PUDP: variants seen among roughly 807,000 people sequenced by gnomAD.
PUDP encodes the protein pseudouridine 5'-phosphatase, also known as pseudouridine-5'-phosphatase.
In PUDP, 8 loss-of-function variants were observed where a neutral mutation model predicts 9.4. That is an observed-to-expected ratio of 0.85 (90% CI 0.50 to 1.53). The LOEUF is 1.53. Among genes scored for constraint, PUDP ranks in the 40% most tolerant of loss-of-function variants. The pLI is 0.00. For synonymous variants in PUDP, 99 were observed against 80.7 expected (o/e 1.23, Z -1.22); for missense variants, 188 against 189.7 (o/e 0.99, Z 0.05).
intron 2 of PUDP, among the ~76,000 whole-genome samples, chrX:7,087,290 G>A (rs942566179): frequency 1.5e-4 from 17 of 111,336 alleles, no homozygotes; most frequent in African/African-American, 9.8e-5. Context: ...CAGAGATTGG[G>A]GAGTTGAAGG....
At chrX:7,008,481 G>A (rs917258732) in intron 1 of PUDP, among the ~76,000 whole-genome samples, 1 of 110,606 alleles carries the variant, frequency 9.0e-6, no homozygotes, top group African/African-American at 3.3e-5. Flanking sequence ...CTATGGCAGG[G>A]CACATTCTTT....
chrX:6,752,872 T>A (rs1282938516), intron 3 of PUDP, among the ~76,000 whole-genome samples: 1 of 111,877 alleles, frequency 8.9e-6, no homozygotes, highest in Non-Finnish European at 1.9e-5. Flanking sequence ...CAGGAATATG[T>A]GATTATCCCT....
intron 3 of PUDP, among the ~76,000 whole-genome samples, chrX:6,900,553 G>A (rs953356536): frequency 4.6e-5 from 5 of 108,780 alleles, no homozygotes; most frequent in African/African-American, 1.3e-4. Context: ...GAGAGGGAGA[G>A]AGGGAGAGAA....
intron 3 of PUDP, among the ~76,000 whole-genome samples, chrX:6,792,578 C>A (rs980893834): frequency 9.0e-6 from 1 of 111,312 alleles, no homozygotes; most frequent in African/African-American, 3.3e-5. Flanking sequence ...ACAGGGAGGA[C>A]AAGATGAATG....
Position 6,884,030 on chromosome X carries a change from C to T in PUDP, c.*247+93103G>A, listed in dbSNP as rs1377811446. On this transcript the variant is annotated intron_variant and NMD_transcript_variant, in intron 3 of 3. Coordinates refer to the PUDP transcript ENST00000655425. Reference sequence around the variant, plus strand: ...TAATTTTTTATATTTTTAGTAGAGACGGGGTTTCACCATGTTAGCCAGGGT... The same window carrying T: ...TAATTTTTTATATTTTTAGTAGAGATGGGGTTTCACCATGTTAGCCAGGGT... Among the ~76,000 whole-genome samples, 3 of 110,807 alleles carry T rather than the reference C, an allele frequency of 2.7e-5. No homozygotes were observed. The East Asian group carries it at 8.6e-4, about 32-fold the overall frequency.
chrX:6,723,605 A>G (rs1161895259), upstream of PUDP, among the ~76,000 whole-genome samples: 2 of 109,638 alleles, frequency 1.8e-5, no homozygotes, highest in African/African-American at 6.6e-5. Flanking sequence ...CTAAGGCAAG[A>G]GGAGAGAAGA....
intron 3 of PUDP, among the ~76,000 whole-genome samples, chrX:6,775,891 C>T (rs1171970441): frequency 2.7e-5 from 3 of 111,483 alleles, no homozygotes; most frequent in African/African-American, 6.5e-5. Context: ...TTTGAGCCTC[C>T]AGAACTGTGA....
chrX:6,907,995 T>G (rs1927793204), intron 3 of PUDP, among the ~76,000 whole-genome samples: 1 of 112,653 alleles, frequency 8.9e-6, no homozygotes, highest in Admixed American at 9.4e-5. Context: ...CTTCATCAGA[T>G]GCTGGACAAC....
intron 1 of PUDP, among the ~76,000 whole-genome samples, chrX:7,024,722 G>C (rs1234036218): frequency 1.0e-5 from 1 of 99,890 alleles, no homozygotes; most frequent in Admixed American, 1.1e-4. Flanking sequence ...AAGTAACTGG[G>C]ACTACAGGCG....
intron 1 of PUDP, among the ~76,000 whole-genome samples, chrX:6,983,055 G>A (rs925757130): frequency 5.3e-5 from 6 of 112,383 alleles, no homozygotes; most frequent in African/African-American, 1.9e-4. Context: ...TTGAAAACAC[G>A]AGGTTCAGTG....
chrX:6,802,310 G>C (rs995414456), intron 3 of PUDP, among the ~76,000 whole-genome samples: 1 of 111,439 alleles, frequency 9.0e-6, no homozygotes, highest in Non-Finnish European at 1.9e-5. Context: ...GCCCCAACCT[G>C]AGATCAGACC....
At chrX:6,789,138 A>C (rs1361273778) in intron 3 of PUDP, among the ~76,000 whole-genome samples, 3 of 110,668 alleles carry the variant, frequency 2.7e-5, no homozygotes, top group African/African-American at 9.9e-5. Context: ...AAAAATACAA[A>C]AATTAGCAGG....
At chrX:6,771,836 C>T (rs930334121) in intron 3 of PUDP, among the ~76,000 whole-genome samples, 1 of 112,232 alleles carries the variant, frequency 8.9e-6, no homozygotes, top group African/African-American at 3.2e-5. Flanking sequence ...TTAAGGGAGC[C>T]ACAGACAATC....
chrX:7,057,771 C>T (rs200439313), intron 3 of PUDP: 14 of 1,152,136 alleles, frequency 1.2e-5, no homozygotes, highest in South Asian at 3.8e-5. Context: ...GAAGGGATCC[C>T]GGCAGCCCTG....
chrX:6,757,780 G>C (rs1379927707), intron 3 of PUDP, among the ~76,000 whole-genome samples: 1 of 112,309 alleles, frequency 8.9e-6, no homozygotes, highest in Non-Finnish European at 1.9e-5. Context: ...CCGAAATTAT[G>C]CATTTCAGTT....
At chrX:6,979,441 T>C (rs1041061833) in intron 1 of PUDP, among the ~76,000 whole-genome samples, 9 of 111,926 alleles carry the variant, frequency 8.0e-5, no homozygotes, top group African/African-American at 2.9e-4. Flanking sequence ...ACAAAATCCT[T>C]GTAGATAAAA....
chrX:6,866,993 GGATTTCAATCAT>G (rs1185548926), intron 3 of PUDP, among the ~76,000 whole-genome samples: 1 of 111,134 alleles, frequency 9.0e-6, no homozygotes, highest in Non-Finnish European at 1.9e-5. Flanking sequence ...GGATGGGCAT[GGATTTCAATCAT>G]GATTTCAATC....
chrX:7,087,286 T>C (rs748880717), intron 2 of PUDP, among the ~76,000 whole-genome samples: 18 of 110,142 alleles, frequency 1.6e-4, no homozygotes, highest in African/African-American at 2.6e-4. Context: ...GAGACAGAGA[T>C]TGGGGAGTTG....
chrX:6,915,260 T>A (rs1416559062), intron 3 of PUDP, among the ~76,000 whole-genome samples: 1 of 112,096 alleles, frequency 8.9e-6, no homozygotes, highest in Non-Finnish European at 1.9e-5. Flanking sequence ...ATAAACAGAG[T>A]AATTATATAT....
Sources: gnomAD v4.1 joint callset for allele counts (sites outside exome capture counted in the v4.1 genomes callset) on GRCh38, gnomAD v4.1.1 for gene constraint, MANE v1.5 for transcripts, NCBI Gene and HGNC (gene_info 2026-07-23, HGNC 2026-07-21) for gene names.